The following PLGRKT variants were observed in gnomAD, a reference collection of about 807,000 sequenced individuals.
PLGRKT encodes the protein plasminogen receptor (KT).
Under a neutral mutation model 18.5 loss-of-function variants are expected in PLGRKT, and 22 were observed. The ratio of observed to expected loss-of-function variants is 1.19; its 90% CI spans 0.85 to 1.70. The LOEUF is 1.70. PLGRKT is among the 40% of genes most tolerant of loss of function. PLGRKT has a pLI of 0.00. For missense variants in PLGRKT, 235 were observed against 174.4 expected, an observed-to-expected ratio of 1.35 and a Z score of -1.96; for synonymous variants, 72 against 52.8, an observed-to-expected ratio of 1.36 and a Z score of -1.58.
At chr9:5,380,991 TTCTC>T (rs1478378587) in intron 3 of PLGRKT, among the ~76,000 whole-genome samples, 2 of 152,204 alleles carry the variant, frequency 1.3e-5, no homozygotes, top group Admixed American at 6.5e-5. Context: ...ACTTCCCCCT[TTCTC>T]TCTGTCTTTC....
intron 3 of PLGRKT, among the ~76,000 whole-genome samples, chr9:5,407,879 T>C (rs1250437362): frequency 1.3e-5 from 2 of 152,074 alleles, no homozygotes; most frequent in Non-Finnish European, 2.9e-5. Flanking sequence ...TCTGTAACTA[T>C]GTGTGTGTGT....
chr9:5,360,175 A>G (rs1433582485), intron 5 of PLGRKT, among the ~76,000 whole-genome samples: 2 of 152,236 alleles, frequency 1.3e-5, no homozygotes, highest in Non-Finnish European at 2.9e-5. Flanking sequence ...TGAACTGGAT[A>G]ATAGTTTTTC....
intron 3 of PLGRKT, among the ~76,000 whole-genome samples, chr9:5,391,723 G>A (rs1361177303): frequency 6.6e-6 from 1 of 151,972 alleles, no homozygotes; most frequent in Admixed American, 6.5e-5. Context: ...CAGGTATCCT[G>A]AAAGGTTCAG....
Position 5,418,664 on chromosome 9 carries a change from T to C in PLGRKT, c.81+13233A>G. ...GGCAGCAGCGCGTGCTCCTTGGAGATGGGCAGGGGCAGCATGTAGCACCCA... is the reference window on the plus strand; with the variant it reads ...GGCAGCAGCGCGTGCTCCTTGGAGACGGGCAGGGGCAGCATGTAGCACCCA... On this transcript the variant is annotated intron_variant, in intron 3 of 5. Transcript: ENST00000223864. The surrounding 1 kb of genome is among the most constrained non-coding windows in gnomAD (Gnocchi z 4.2). 1.5e-6 allele frequency: 1 copy of C among 680,130 alleles called. No individual in the cohort carries two copies. The highest frequency in any genetic ancestry group is 2.7e-6 in the Non-Finnish European group (1 of 364,076). The allele number at this position is 680,130 out of a possible 1,614,324, so 42.1% of individuals were successfully genotyped here.
intron 3 of PLGRKT, among the ~76,000 whole-genome samples, chr9:5,370,236 T>C (rs1193384609): frequency 1.3e-5 from 2 of 152,276 alleles, no homozygotes; most frequent in Non-Finnish European, 2.9e-5. Flanking sequence ...TTAAAAAATA[T>C]TAAGAACAGC....
chr9:5,407,835 G>A (rs931414591), intron 3 of PLGRKT, among the ~76,000 whole-genome samples: 3 of 152,162 alleles, frequency 2.0e-5, no homozygotes, highest in Non-Finnish European at 2.9e-5. Flanking sequence ...AATTTTAAAA[G>A]AAAAGCAAAA....
chr9:5,407,595 T>C (rs1258211443), intron 3 of PLGRKT, among the ~76,000 whole-genome samples: 1 of 151,892 alleles, frequency 6.6e-6, no homozygotes, highest in Non-Finnish European at 1.5e-5. Flanking sequence ...ATCCATAACA[T>C]AAACATGTCT....
At chr9:5,408,999 G>A (rs1234697836) in intron 3 of PLGRKT, among the ~76,000 whole-genome samples, 2 of 152,222 alleles carry the variant, frequency 1.3e-5, no homozygotes, top group Non-Finnish European at 1.5e-5. Flanking sequence ...TGAGGCTTGG[G>A]AGCCTCTTCC....
intron 3 of PLGRKT, among the ~76,000 whole-genome samples, chr9:5,379,938 G>T (rs945566417): frequency 1.3e-5 from 2 of 152,128 alleles, no homozygotes; most frequent in African/African-American, 4.8e-5. Flanking sequence ...TTTGATCAAA[G>T]AAATGCATAC....
intron 3 of PLGRKT, among the ~76,000 whole-genome samples, chr9:5,374,250 T>C (rs537124504): frequency 6.6e-6 from 1 of 152,336 alleles, no homozygotes; most frequent in African/African-American, 2.4e-5. Context: ...GTTCAGACCA[T>C]CATTACCCAT....
intron 3 of PLGRKT, among the ~76,000 whole-genome samples, chr9:5,397,544 G>A (rs1818075124): frequency 6.6e-6 from 1 of 151,640 alleles, no homozygotes; most frequent in Non-Finnish European, 1.5e-5. Flanking sequence ...CAGGAAGGAA[G>A]GAAGGAGGGA....
intron 2 of PLGRKT, among the ~76,000 whole-genome samples, chr9:5,436,134 T>C (rs1586752804): frequency 6.6e-6 from 1 of 152,174 alleles, no homozygotes; most frequent in Non-Finnish European, 1.5e-5. Context: ...GACAGCAGGG[T>C]GATTTGGCAG....
At chr9:5,393,005 C>T (rs1817978512) in intron 3 of PLGRKT, among the ~76,000 whole-genome samples, 1 of 151,532 alleles carries the variant, frequency 6.6e-6, no homozygotes, top group Admixed American at 6.6e-5. Context: ...CCACACCCGG[C>T]TAATTTTTGT....
At chr9:5,429,408 A>G (rs1818770713) in intron 3 of PLGRKT, among the ~76,000 whole-genome samples, 1 of 152,216 alleles carries the variant, frequency 6.6e-6, no homozygotes, top group Admixed American at 6.5e-5. Flanking sequence ...AAAGGACCAC[A>G]AACTGGACGG....
intron 3 of PLGRKT, among the ~76,000 whole-genome samples, chr9:5,390,819 T>C (rs1817936929): frequency 6.6e-6 from 1 of 151,944 alleles, no homozygotes; most frequent in Non-Finnish European, 1.5e-5. Flanking sequence ...GCTATGCTGC[T>C]TTTTGTATCT....
At chr9:5,385,343 T>A (rs1447053092) in intron 3 of PLGRKT, among the ~76,000 whole-genome samples, 1 of 151,828 alleles carries the variant, frequency 6.6e-6, no homozygotes, top group Non-Finnish European at 1.5e-5. Context: ...TATATGTCTT[T>A]TATCCACCAC....
At chr9:5,405,874 A>G (rs576801566) in intron 3 of PLGRKT, among the ~76,000 whole-genome samples, 2 of 152,350 alleles carry the variant, frequency 1.3e-5, no homozygotes, top group East Asian at 3.8e-4. Context: ...CAAAGGTCTA[A>G]TATCCAGAAT....
At position 5,424,646 on chromosome 9, in the gene PLGRKT, ATAT is replaced by A. The variant is rs1563789977; in HGVS notation, c.81+7248_81+7250del. ...TATATTATATTAATATATTTACATT[ATAT>A]ATAATATAATTATATATTTTATATA... is the stretch of plus-strand genomic sequence containing the variant. On this transcript the variant is annotated intron_variant, in intron 3 of 5. Transcript: ENST00000223864. Among the ~76,000 whole-genome samples the A allele has an allele frequency of 1.9e-3, 246 of 126,236 alleles. 4 individuals are homozygous for A. The highest frequency in any genetic ancestry group is 8.0e-3 in the African/African-American group (233 of 29,070). The allele number at this position is 126,236 out of a possible 152,430, so 82.8% of individuals were successfully genotyped here.
In PLGRKT at chr9:5,431,905, G is replaced by A. The variant is rs764478425; in HGVS notation, c.73C>T (p.Arg25Ter). ...NQKEFMLMNA[R>*]LQLERQLIMQ... ...ATTATTTTAAAACATACCTGAAGTC[G>A]AGCATTCATAAGCATGAACTCCTTT... The change falls in exon 3 of 6, where the codon CGA becomes TGA. Residue 25 changes from arginine (R) to a stop codon, truncating the protein, a stop_gained. Coordinates refer to ENST00000223864, the MANE Select transcript of PLGRKT (RefSeq NM_018465.4). LOFTEE classifies it high-confidence loss of function. 9.5e-6 allele frequency: 14 copies of A among 1,474,488 alleles called. No homozygotes were observed. The highest frequency in any genetic ancestry group is 3.4e-5 in the Admixed American group (2 of 59,218). The allele number at this position is 1,474,488 out of a possible 1,614,324, so 91.3% of individuals were successfully genotyped here.
Sources: allele counts gnomAD v4.1 joint callset (sites outside exome capture counted in the v4.1 genomes callset), GRCh38; gene constraint gnomAD v4.1.1; non-coding constraint Gnocchi (gnomAD v3.1); transcripts MANE v1.5; gene names NCBI Gene and HGNC (gene_info 2026-07-23, HGNC 2026-07-21).